Variants in INO80D observed in about 807,000 individuals in gnomAD.
INO80D encodes INO80 complex subunit D.
Under a neutral mutation model 87.6 loss-of-function variants are expected in INO80D, and 21 were observed. That is an observed-to-expected ratio of 0.24 (90% CI 0.17 to 0.35). The LOEUF (loss-of-function observed/expected upper bound fraction) is 0.35. INO80D is among the 10% of genes least tolerant of loss of function. The pLI is 1.00. For missense variants in INO80D, 982 were observed against 1,280.7 expected (o/e 0.77, Z 3.56); for synonymous variants, 440 against 491.0 (o/e 0.90, Z 1.37).
intron 4 of INO80D, among the ~76,000 whole-genome samples, chr2:206,049,053 T>C (rs1456956574): frequency 1.3e-5 from 2 of 152,202 alleles, no homozygotes; most frequent in Non-Finnish European, 2.9e-5. Flanking sequence ...TAGTATTTTA[T>C]TTATGTCTTC....
chr2:206,051,588 G>A (rs759839890), intron 4 of INO80D, among the ~76,000 whole-genome samples: 1 of 151,988 alleles, frequency 6.6e-6, no homozygotes, highest in Non-Finnish European at 1.5e-5. Context: ...TGAAAGTATG[G>A]TCCACAGATC....
chr2:206,081,252 G>A (rs1452416623), intron 1 of INO80D, among the ~76,000 whole-genome samples: 4 of 152,012 alleles, frequency 2.6e-5, no homozygotes, highest in Non-Finnish European at 5.9e-5. Context: ...CTACCCTTAC[G>A]TTTTTCCTCT....
In INO80D at chr2:205,994,912, A is replaced by C. The variant is rs1034561453; in HGVS notation, c.*9456T>G. 6.6e-6 allele frequency: 1 copy of C among 151,950 alleles called. No homozygotes were observed. Among genetic ancestry groups the C allele is most frequent in the Non-Finnish European group, 1.5e-5 (1 of 67,978 alleles). The allele number at this position is 151,950 out of a possible 1,614,324, so 9.4% of individuals were successfully genotyped here. A position where few individuals can be genotyped will look rare whatever the true frequency, so the allele number is the denominator to read the frequency against. The stretch of plus-strand genomic sequence containing the variant: ...AAAAGAAAGAAAGAAAGAAAGAAAA[A>C]AGAGTTTGGGAGGGCCCTTAACTAA... On this transcript the variant is annotated 3_prime_UTR_variant, in exon 11 of 11. Coordinates refer to ENST00000403263, the MANE Select transcript of INO80D (RefSeq NM_017759.5).
Position 206,002,583 on chromosome 2 carries a change from T to C in INO80D, c.*1785A>G, listed in dbSNP as rs1483589517. The C allele has an allele frequency of 2.0e-5, 3 of 152,174 alleles. No homozygotes were observed. 9.4% of individuals were successfully genotyped at this position (152,174 alleles called of 1,614,324 possible). A position where few individuals can be genotyped will look rare whatever the true frequency, so the allele number is the denominator to read the frequency against. ...ACAGTCATGTGACATTTCCCCTCCA[T>C]AACCTCAGGCACGTGGTATCTGCAT... On this transcript the variant is annotated 3_prime_UTR_variant, in exon 11 of 11. Coordinates refer to ENST00000403263, the MANE Select transcript of INO80D (RefSeq NM_017759.5).
intron 5 of INO80D, among the ~76,000 whole-genome samples, chr2:206,045,462 G>A (rs1241746828): frequency 6.6e-6 from 1 of 152,120 alleles, no homozygotes; most frequent in Non-Finnish European, 1.5e-5. Flanking sequence ...GTCATCTTTT[G>A]GTAGACAAGG....
chr2:206,003,948 CAGGA>C lies in INO80D; in HGVS notation c.*416_*419del. 1.0e-5 allele frequency: 2 copies of C among 195,242 alleles called. No individual in the cohort carries two copies. The highest frequency in any genetic ancestry group is 1.1e-4 in the East Asian group (1 of 8,894). 12.1% of individuals were successfully genotyped at this position (195,242 alleles called of 1,614,324 possible). A position where few individuals can be genotyped will look rare whatever the true frequency, so the allele number is the denominator to read the frequency against. ...CACACACCATTTGCTGTCTCTTATA[CAGGA>C]ACTCAATTAATAAGATCATTCTATC... is the stretch of plus-strand genomic sequence containing the variant. On this transcript the variant is annotated 3_prime_UTR_variant, in exon 11 of 11. Transcript: ENST00000403263.
At chr2:206,028,890 T>TTG (rs1172134465) in intron 5 of INO80D, among the ~76,000 whole-genome samples, 2 of 151,752 alleles carry the variant, frequency 1.3e-5, no homozygotes, top group Non-Finnish European at 2.9e-5. Flanking sequence ...TTTTGTTTTT[T>TTG]TGTTTTTTTT....
chr2:206,050,482 A>T (rs1397388786), intron 4 of INO80D, among the ~76,000 whole-genome samples: 2 of 130,440 alleles, frequency 1.5e-5, no homozygotes, highest in Non-Finnish European at 3.1e-5. Flanking sequence ...ACAGAGCAGG[A>T]CTCCGTCTCA....
intron 5 of INO80D, among the ~76,000 whole-genome samples, chr2:206,035,134 G>A (rs1093550): frequency 0.13 from 19,902 of 152,094 alleles, 1,644 homozygotes; most frequent in South Asian, 0.19. Context: ...TCATGGACAG[G>A]TAGAATCAAT....
Position 206,063,057 on chromosome 2 carries a change from C to T in INO80D, c.-29-12G>A. 1 of 1,416,860 alleles carries T rather than the reference C, an allele frequency of 7.1e-7. No homozygotes were observed. The highest frequency in any genetic ancestry group is 9.8e-7 in the Non-Finnish European group (1 of 1,017,626). The allele number at this position is 1,416,860 out of a possible 1,614,324, so 87.8% of individuals were successfully genotyped here. On this transcript the variant is annotated splice_polypyrimidine_tract_variant and intron_variant, in intron 2 of 10. Transcript: ENST00000403263. ...CTTGTGAACATCAGCTAAAAGGCCA[C>T]CACAAAAAAAGAAACCCAAATGATA...
intron 8 of INO80D, among the ~76,000 whole-genome samples, chr2:206,016,985 C>T (rs772807603): frequency 7.9e-5 from 12 of 152,108 alleles, no homozygotes; most frequent in Non-Finnish European, 1.3e-4. Context: ...GGCATGAAAA[C>T]GGACTAATAC....
chr2:206,046,398 G>A (rs1001413057), intron 5 of INO80D, 106 bp downstream of exon 5: 69 of 744,470 alleles, frequency 9.3e-5, no homozygotes, highest in Non-Finnish European at 1.4e-4. Flanking sequence ...AAATTAGTCA[G>A]GCTTGGTGGC....
At chr2:206,021,891 G>A (rs887939290) in intron 6 of INO80D, among the ~76,000 whole-genome samples, 12 of 151,942 alleles carry the variant, frequency 7.9e-5, no homozygotes, top group Admixed American at 5.9e-4. Context: ...TGGGATTACT[G>A]GCATGAGTCA....
At position 206,016,778 on chromosome 2, in the gene INO80D, T is replaced by C. The variant is rs1688329506; in HGVS notation, c.1542+902A>G. On this transcript the variant is annotated intron_variant, in intron 8 of 10. Transcript: ENST00000403263. ...TTCTTGTAATAGTGAATGGGTCTCATGTGATCTGATGGTTTTATAAATGGG... is the reference window on the plus strand; with the variant it reads ...TTCTTGTAATAGTGAATGGGTCTCACGTGATCTGATGGTTTTATAAATGGG... Among the ~76,000 whole-genome samples, 3 of 152,096 alleles carry C rather than the reference T, an allele frequency of 2.0e-5. No homozygotes were observed. The South Asian group carries it at 6.2e-4, about 32-fold the overall frequency.
chr2:206,060,313 A>C (rs62195366), intron 3 of INO80D, among the ~76,000 whole-genome samples: 4,706 of 152,132 alleles, frequency 0.031, 113 homozygotes, highest in Non-Finnish European at 0.047. Flanking sequence ...TAGGAGGATC[A>C]CTTCAGGTCA....
In INO80D at chr2:206,039,257, C is replaced by T. The variant is rs972508361; in HGVS notation, c.1073+7247G>A. Among the ~76,000 whole-genome samples the T allele has an allele frequency of 5.3e-5, 8 of 152,072 alleles. No homozygotes were observed. The South Asian group carries it at 8.3e-4, about 16-fold the overall frequency. On this transcript the variant is annotated intron_variant, in intron 5 of 10. Coordinates refer to ENST00000403263, the MANE Select transcript of INO80D (RefSeq NM_017759.5). ...TACTAAAAATACGAAATTAGCCAGG[C>T]GTGGTGGCGCATGCCTGTAATCCCA...
intron 9 of INO80D, 71 bp from the exon 10 acceptor site, chr2:206,007,512 C>T: frequency 6.7e-7 from 1 of 1,501,498 alleles, no homozygotes; most frequent in Non-Finnish European, 8.9e-7. Context: ...AAGCCAAGTT[C>T]ATTCAACATG....
intron 5 of INO80D, among the ~76,000 whole-genome samples, chr2:206,029,845 G>C (rs55756619): frequency 0.019 from 2,954 of 152,212 alleles, 91 homozygotes; most frequent in African/African-American, 0.067. Context: ...TTCCCAAAAA[G>C]TTAAAACAAT....
chr2:206,037,958 T>C (rs1056830984), intron 5 of INO80D, among the ~76,000 whole-genome samples: 22 of 152,326 alleles, frequency 1.4e-4, no homozygotes, highest in African/African-American at 4.6e-4. Flanking sequence ...AGGGGCTTAT[T>C]ATAAGTGAAA....
Sources: gnomAD v4.1 joint callset for allele counts (sites outside exome capture counted in the v4.1 genomes callset) on GRCh38, gnomAD v4.1.1 for gene constraint, MANE v1.5 for transcripts, NCBI Gene and HGNC (gene_info 2026-07-23, HGNC 2026-07-21) for gene names.